The following JARID2 variants were observed in gnomAD, a reference collection of about 807,000 sequenced individuals.
JARID2 encodes the protein jumonji and AT-rich interaction domain containing 2, also known as protein Jumonji.
In JARID2, 21 loss-of-function variants were observed where a neutral mutation model predicts 125.6. That is an observed-to-expected ratio of 0.17 (90% CI 0.12 to 0.24). The LOEUF is 0.24. JARID2 is among the 10% of genes least tolerant of loss of function. The probability of loss-of-function intolerance (pLI) is 1.00; values close to 1 mark genes in which losing one functional copy is unlikely to be tolerated. For missense variants in JARID2, 1,303 were observed against 1,639.6 expected (o/e 0.79, Z 3.55); for synonymous variants, 736 against 661.6 (o/e 1.11, Z -1.73).
intron 3 of JARID2, among the ~76,000 whole-genome samples, chr6:15,433,410 C>CTCTGTGTGTGTGTG (rs1241800597): frequency 1.9e-4 from 27 of 143,522 alleles, no homozygotes; most frequent in South Asian, 7.0e-4. Flanking sequence ...CCATGTCTCT[C>CTCTGTGTGTGTGTG]TGTGTGTGTG....
chr6:15,482,151 CTG>C (rs1769649701), intron 5 of JARID2, among the ~76,000 whole-genome samples: 3 of 152,240 alleles, frequency 2.0e-5, no homozygotes, highest in Non-Finnish European at 2.9e-5. Context: ...AGCTTAGCAA[CTG>C]GCCTTGCCCT....
rs1353368639 is a variant in JARID2 at position 15,513,327 on chromosome 6, G to A, written c.3355G>A (p.Val1119Met). 6.2e-7 allele frequency: 1 copy of A among 1,612,428 alleles called. No homozygotes were observed. The change falls in exon 16 of 18, where the codon GTG becomes ATG. Residue 1119 changes from valine (V) to methionine (M), a missense_variant. Around this residue, in one of 11 missense-constraint regions of JARID2, gnomAD observed 190 missense variants for 341.4 expected, o/e 0.56. Coordinates refer to ENST00000341776, the MANE Select transcript of JARID2 (RefSeq NM_004973.4). ...RYGSHDGSST[V>M]ADGKKKPRKW... The stretch of plus-strand genomic sequence containing the variant: ...TGGCAGCCACGATGGCAGCAGCACG[G>A]TGGCGGACGGGAAGAAAAAGCCTCG...
intron 2 of JARID2, among the ~76,000 whole-genome samples, chr6:15,374,859 T>C (rs1764293462): frequency 6.6e-6 from 1 of 152,234 alleles, no homozygotes; most frequent in Non-Finnish European, 1.5e-5. Flanking sequence ...ACAGAAAGTA[T>C]CTGAGGACAA....
At chr6:15,372,095 T>C (rs1429152114) in intron 1 of JARID2, among the ~76,000 whole-genome samples, 1 of 152,118 alleles carries the variant, frequency 6.6e-6, no homozygotes, top group African/African-American at 2.4e-5. Context: ...CTCTATGATG[T>C]TGGATTTCTA....
chr6:15,285,767 G>A (rs1445072474), intron 1 of JARID2, among the ~76,000 whole-genome samples: 1 of 152,152 alleles, frequency 6.6e-6, no homozygotes, highest in South Asian at 2.1e-4. Flanking sequence ...TACAGTAAGT[G>A]TGATTTCTAG....
chr6:15,344,173 T>TG (rs1763169123), intron 1 of JARID2, among the ~76,000 whole-genome samples: 1 of 139,506 alleles, frequency 7.2e-6, no homozygotes, highest in Admixed American at 8.4e-5. Flanking sequence ...TTCGTGGTAG[T>TG]GGTGGACCCT....
chr6:15,495,015 G>A (rs1349458643), intron 6 of JARID2, among the ~76,000 whole-genome samples: 1 of 152,170 alleles, frequency 6.6e-6, no homozygotes, highest in Non-Finnish European at 1.5e-5. Context: ...TTTGGAGATG[G>A]TGGTGGTTAT....
intron 1 of JARID2, among the ~76,000 whole-genome samples, chr6:15,318,216 A>G (rs531438537): frequency 6.6e-6 from 1 of 152,288 alleles, no homozygotes; most frequent in East Asian, 1.9e-4. Flanking sequence ...CGTTTCCAAA[A>G]AAAAAAAGAT....
At chr6:15,292,774 C>A (rs907673365) in intron 1 of JARID2, among the ~76,000 whole-genome samples, 1 of 152,204 alleles carries the variant, frequency 6.6e-6, no homozygotes, top group Admixed American at 6.5e-5. Flanking sequence ...GTTAAGTGAT[C>A]GTCCACTTCA....
At chr6:15,517,326 G>T in intron 17 of JARID2, 58 bp downstream of exon 17, 2 of 1,241,280 alleles carry the variant, frequency 1.6e-6, no homozygotes, top group South Asian at 2.4e-5. Context: ...CCCTGCTCCC[G>T]GCTGGATGTA....
chr6:15,336,917 G>A (rs1003098620), intron 1 of JARID2, among the ~76,000 whole-genome samples: 2 of 152,050 alleles, frequency 1.3e-5, no homozygotes, highest in Non-Finnish European at 2.9e-5. Context: ...AAGTTCTCTC[G>A]CCAGAGAAGA....
At position 15,509,284 on chromosome 6, in the gene JARID2, G is replaced by A. The variant is rs144225456; in HGVS notation, c.2846+830G>A. 7.5e-5 allele frequency: 74 copies of A among 985,296 alleles called. No homozygotes were observed. The African/African-American group carries it at 8.0e-4, about 11-fold the overall frequency. The allele number at this position is 985,296 out of a possible 1,614,324, so 61.0% of individuals were successfully genotyped here. On this transcript the variant is annotated intron_variant, in intron 12 of 17. Coordinates refer to ENST00000341776, the MANE Select transcript of JARID2 (RefSeq NM_004973.4). ...ATGTCTTGTCGTCTGATCGTTTACC[G>A]GCATGCTGTTCATGCCATGCTGACT...
chr6:15,273,570 G>T (rs147761853), intron 1 of JARID2, among the ~76,000 whole-genome samples: 2 of 152,088 alleles, frequency 1.3e-5, no homozygotes, highest in African/African-American at 4.8e-5. Flanking sequence ...GCATGGTGGC[G>T]CATGCCTGTA....
At chr6:15,441,528 C>A (rs950331598) in intron 3 of JARID2, among the ~76,000 whole-genome samples, 22 of 152,208 alleles carry the variant, frequency 1.4e-4, no homozygotes, top group Non-Finnish European at 3.1e-4. Context: ...CTATTTGTTA[C>A]CCTTTAAATG....
At position 15,520,537 on chromosome 6, in the gene JARID2, C is replaced by CTT. The variant is rs201309875; in HGVS notation, c.*294_*295dup. 2.6e-4 allele frequency: 89 copies of CTT among 347,586 alleles called. No homozygotes were observed. Among genetic ancestry groups the CTT allele is most frequent in the Middle Eastern group, 1.8e-3 (2 of 1,086 alleles). 21.5% of individuals were successfully genotyped at this position (347,586 alleles called of 1,614,324 possible). ...GTATTGCCCCATGGCTGACAAAAGC[C>CTT]TTTTTTTTTGGTTTTGATTTTTTTT... is the stretch of plus-strand genomic sequence containing the variant. On this transcript the variant is annotated 3_prime_UTR_variant, in exon 18 of 18. Transcript: ENST00000341776.
At chr6:15,467,817 A>G (rs1290960888) in intron 4 of JARID2, among the ~76,000 whole-genome samples, 1 of 151,326 alleles carries the variant, frequency 6.6e-6, no homozygotes, top group Non-Finnish European at 1.5e-5. Flanking sequence ...TTCTAGAAAA[A>G]TAATGATATT....
At chr6:15,347,831 G>A (rs1054205442) in intron 1 of JARID2, among the ~76,000 whole-genome samples, 4 of 152,062 alleles carry the variant, frequency 2.6e-5, no homozygotes, top group African/African-American at 9.7e-5. Context: ...GGAGGCTCAA[G>A]TAGAGGCTCA....
intron 1 of JARID2, chr6:15,368,653 A>G (rs1241781099): frequency 2.1e-6 from 1 of 478,412 alleles, no homozygotes; most frequent in Non-Finnish European, 4.2e-6. Context: ...AACTAGCATT[A>G]CTTAGTGCCA....
At chr6:15,422,311 A>G (rs1337456611) in intron 3 of JARID2, among the ~76,000 whole-genome samples, 2 of 152,196 alleles carry the variant, frequency 1.3e-5, no homozygotes, top group Non-Finnish European at 2.9e-5. Flanking sequence ...GGTGGCTCAC[A>G]TCACAGTGCT....
Sources: allele counts gnomAD v4.1 joint callset (sites outside exome capture counted in the v4.1 genomes callset), GRCh38; gene constraint gnomAD v4.1.1; regional missense constraint gnomAD v4.1.1; transcripts MANE v1.5; gene names NCBI Gene and HGNC (gene_info 2026-07-23, HGNC 2026-07-21).